TOX: variants seen among roughly 807,000 people sequenced by gnomAD.
TOX encodes thymocyte selection-associated high mobility group box protein TOX.
A neutral mutation model predicts 53.7 loss-of-function variants in TOX; 11 were observed. The ratio of observed to expected loss-of-function variants is 0.20; its 90% CI spans 0.13 to 0.34. The LOEUF is 0.34. TOX is among the 10% of genes least tolerant of loss of function. The pLI is 1.00. For synonymous variants in TOX, 225 were observed against 245.3 expected, an observed-to-expected ratio of 0.92 and a Z score of 0.77; for missense variants, 570 against 664.6, an observed-to-expected ratio of 0.86 and a Z score of 1.56.
intron 1 of TOX, among the ~76,000 whole-genome samples, chr8:59,049,146 C>T (rs1095511): frequency 0.24 from 36,235 of 151,836 alleles, 6,535 homozygotes; most frequent in East Asian, 0.65. Flanking sequence ...AAAACATGCA[C>T]GCTTAAAACA....
chr8:59,006,003 C>T (rs1374243482), intron 1 of TOX, among the ~76,000 whole-genome samples: 2 of 152,210 alleles, frequency 1.3e-5, no homozygotes, highest in Non-Finnish European at 2.9e-5. Context: ...GCCTCAGTTT[C>T]CCAGATGTGC....
intron 5 of TOX, among the ~76,000 whole-genome samples, chr8:58,831,777 C>G (rs1436307532): frequency 6.6e-6 from 1 of 152,132 alleles, no homozygotes; most frequent in African/African-American, 2.4e-5. Flanking sequence ...TCCATGGTCT[C>G]AGGTTTCTCC....
chr8:59,046,555 C>A (rs1007340453), intron 1 of TOX, among the ~76,000 whole-genome samples: 1 of 152,068 alleles, frequency 6.6e-6, no homozygotes, highest in African/African-American at 2.4e-5. Context: ...CACCATTTTC[C>A]TGTTAGAAAA....
chr8:58,866,482 T>C (rs1811103988), intron 3 of TOX, among the ~76,000 whole-genome samples: 2 of 152,238 alleles, frequency 1.3e-5, no homozygotes, highest in South Asian at 2.1e-4. Flanking sequence ...TAGAAACAGC[T>C]GCTATGTAAG....
rs527792866 is a variant in TOX at position 59,065,785 on chromosome 8, G to A, written c.102+53101C>T. Among the ~76,000 whole-genome samples, 4 of 152,210 alleles carry A rather than the reference G, an allele frequency of 2.6e-5. No individual in the cohort carries two copies. In the South Asian group the frequency reaches 8.3e-4, roughly 32 times the overall value. ...GGAACAAAATTCTGTTCCAAACTAAGATTCTTTCACTCTTGGTTTCTCCCT... is the reference window on the plus strand; with the variant it reads ...GGAACAAAATTCTGTTCCAAACTAAAATTCTTTCACTCTTGGTTTCTCCCT... On this transcript the variant is annotated intron_variant, in intron 1 of 8. Coordinates refer to ENST00000361421, the MANE Select transcript of TOX (RefSeq NM_014729.3).
intron 1 of TOX, among the ~76,000 whole-genome samples, chr8:58,980,782 CT>C (rs1813191516): frequency 6.6e-6 from 1 of 152,136 alleles, no homozygotes; most frequent in South Asian, 2.1e-4. Context: ...AAACTTAAAC[CT>C]TTTTTGAAGG....
intron 1 of TOX, among the ~76,000 whole-genome samples, chr8:59,009,348 C>T (rs1010569835): frequency 1.3e-5 from 2 of 150,628 alleles, no homozygotes; most frequent in Non-Finnish European, 3.0e-5. Context: ...CCTTTCCTTC[C>T]CTCCTTTCTT....
chr8:58,837,456 G>A (rs1056703358), intron 5 of TOX, among the ~76,000 whole-genome samples: 2 of 152,108 alleles, frequency 1.3e-5, no homozygotes, highest in African/African-American at 4.8e-5. Context: ...AAGACCTTCT[G>A]AGCTATTTAT....
At chr8:58,961,395 T>C (rs762517866) in intron 1 of TOX, among the ~76,000 whole-genome samples, 1 of 152,206 alleles carries the variant, frequency 6.6e-6, no homozygotes, top group Non-Finnish European at 1.5e-5. Context: ...TACTGAAAGA[T>C]GTGGTTGTTA....
rs1465159917 is a variant in TOX at position 59,100,370 on chromosome 8, C to G, written c.102+18516G>C. ...AGAGGTGCTTTCTATTTGTGGTGTT[C>G]TGAATTTAAACACAACCTGCTAAGA... is the stretch of plus-strand genomic sequence containing the variant. On this transcript the variant is annotated intron_variant, in intron 1 of 8. Coordinates refer to ENST00000361421, the MANE Select transcript of TOX (RefSeq NM_014729.3). Among the ~76,000 whole-genome samples the G allele has an allele frequency of 2.0e-5, 3 of 152,126 alleles. No individual in the cohort carries two copies. The South Asian group carries it at 6.2e-4, about 32-fold the overall frequency.
At chr8:58,923,226 G>T (rs1339437895) in intron 3 of TOX, among the ~76,000 whole-genome samples, 1 of 152,174 alleles carries the variant, frequency 6.6e-6, no homozygotes, top group Non-Finnish European at 1.5e-5. Context: ...CAGGAGGCGA[G>T]GCCAGTTAGG....
chr8:59,106,937 T>G (rs1250421730), intron 1 of TOX, among the ~76,000 whole-genome samples: 1 of 150,774 alleles, frequency 6.6e-6, no homozygotes, highest in Non-Finnish European at 1.5e-5. Context: ...ATGTCATAAC[T>G]AGAAAATACA....
intron 1 of TOX, among the ~76,000 whole-genome samples, chr8:59,048,300 C>A (rs1327637813): frequency 6.6e-6 from 1 of 152,134 alleles, no homozygotes; most frequent in Non-Finnish European, 1.5e-5. Context: ...GCTGGGTTAA[C>A]CAAACTATTA....
intron 3 of TOX, among the ~76,000 whole-genome samples, chr8:58,912,307 C>A (rs1319799989): frequency 6.6e-6 from 1 of 152,200 alleles, no homozygotes; most frequent in Non-Finnish European, 1.5e-5. Flanking sequence ...ACTAAGGTAA[C>A]TGAAGACCCA....
At chr8:59,036,893 C>G (rs908690305) in intron 1 of TOX, among the ~76,000 whole-genome samples, 2 of 152,114 alleles carry the variant, frequency 1.3e-5, no homozygotes. Flanking sequence ...ACATAGACCC[C>G]GTGTGTGTCT....
rs577711632 is a variant in TOX, at chr8:59,015,169, G to A, written c.103-55161C>T. Among the ~76,000 whole-genome samples the A allele has an allele frequency of 1.4e-4, 21 of 152,332 alleles. 1 individual carries two copies. Among genetic ancestry groups the A allele is most frequent in the South Asian group, 1.0e-3 (5 of 4,824 alleles). The stretch of plus-strand genomic sequence containing the variant: ...GACGGGACAGCCAGTCTGTAATCAG[G>A]CAGTTCCCTGGTAACAATTAACACT... On this transcript the variant is annotated intron_variant, in intron 1 of 8. Transcript: ENST00000361421.
At chr8:58,880,814 A>G (rs1811371536) in intron 3 of TOX, among the ~76,000 whole-genome samples, 1 of 152,204 alleles carries the variant, frequency 6.6e-6, no homozygotes, top group African/African-American at 2.4e-5. Flanking sequence ...AGAAGAAGCA[A>G]TTGGATTTAT....
At chr8:59,052,412 C>G (rs559513202) in intron 1 of TOX, among the ~76,000 whole-genome samples, 11 of 152,196 alleles carry the variant, frequency 7.2e-5, no homozygotes, top group African/African-American at 2.6e-4. Flanking sequence ...GGAAATAAAT[C>G]ATATTATTTA....
intron 1 of TOX, among the ~76,000 whole-genome samples, chr8:59,007,960 T>G (rs1267418851): frequency 6.6e-6 from 1 of 152,234 alleles, no homozygotes; most frequent in Non-Finnish European, 1.5e-5. Context: ...AAATTTAACA[T>G]GAATATTTTT....
Sources: allele counts gnomAD v4.1 joint callset (sites outside exome capture counted in the v4.1 genomes callset), GRCh38; gene constraint gnomAD v4.1.1; transcripts MANE v1.5; gene names NCBI Gene and HGNC (gene_info 2026-07-23, HGNC 2026-07-21).